The following POLM variants were observed in gnomAD, a reference collection of about 807,000 sequenced individuals.
POLM encodes the protein DNA polymerase mu.
POLM carries 52 observed loss-of-function variants against 56.7 expected under a neutral mutation model. That is an observed-to-expected ratio of 0.92 (90% confidence interval 0.73 to 1.15). The LOEUF is 1.15. POLM is among the 50% of genes most tolerant of loss of function. POLM has a pLI of 0.00. For synonymous variants in POLM, 273 were observed against 274.3 expected, an observed-to-expected ratio of 1.00 and a Z score of 0.05; for missense variants, 660 against 663.6, an observed-to-expected ratio of 0.99 and a Z score of 0.06.
rs773933803 is a variant in POLM, at chr7:44,078,747, G to A, written c.707C>T (p.Thr236Ile). 1.2e-5 allele frequency: 19 copies of A among 1,613,688 alleles called. No individual in the cohort carries two copies. The highest frequency in any genetic ancestry group is 1.7e-5 in the Admixed American group (1 of 59,996). The change falls in exon 5 of 11, where the codon ACC (threonine) becomes ATC (isoleucine). Residue 236 changes from threonine (T) to isoleucine (I), a missense_variant. Thr to Ile is a moderately conservative substitution (Grantham distance 89). Transcript: ENST00000242248. ...ERVRRSERYQ[T>I]MKLFTQIFGV... The stretch of plus-strand genomic sequence containing the variant: ...GAGCCCTGCCCTGCGCACCTTCATG[G>A]TCTGGTACCTCTCTGAGCGCCGAAC...
At chr7:44,074,297 TC>T in intron 7 of POLM, 64 bp from the exon 8 acceptor site, 2 of 1,544,386 alleles carry the variant, frequency 1.3e-6, no homozygotes, top group South Asian at 2.4e-5. Flanking sequence ...CCAGGCCACA[TC>T]CCTTCCAACG....
chr7:44,082,125 C>G, intron 1 of POLM, 126 bp downstream of exon 1: 1 of 789,986 alleles, frequency 1.3e-6, no homozygotes, highest in Non-Finnish European at 1.8e-6. Flanking sequence ...TAATTAATAG[C>G]ACCCTTTACA....
At position 44,072,688 on chromosome 7, in the gene POLM, C is replaced by T. The variant is rs750049020; in HGVS notation, c.*603G>A. 27 of 172,602 alleles carry T rather than the reference C, an allele frequency of 1.6e-4. No individual in the cohort carries two copies. The highest frequency in any genetic ancestry group is 2.4e-4 in the Admixed American group (4 of 16,362). 10.7% of individuals were successfully genotyped at this position (172,602 alleles called of 1,614,324 possible). ...GGCCTTAAAGGCAGAAGCACAGAGC[C>T]TGGCTCGGGGCGCTGCAGTACTGAA... On this transcript the variant is annotated 3_prime_UTR_variant, in exon 11 of 11. Coordinates refer to ENST00000242248, the MANE Select transcript of POLM (RefSeq NM_013284.4).
Position 44,072,835 on chromosome 7 carries a change from G to C in POLM, c.*456C>G, listed in dbSNP as rs886796111. The C allele has an allele frequency of 2.6e-6, 1 of 385,720 alleles. No individual in the cohort carries two copies. Among genetic ancestry groups the C allele is most frequent in the African/African-American group, 2.0e-5 (1 of 48,916 alleles). The allele number at this position is 385,720 out of a possible 1,614,324, so 23.9% of individuals were successfully genotyped here. A position where few individuals can be genotyped will look rare whatever the true frequency, so the allele number is the denominator to read the frequency against. On this transcript the variant is annotated 3_prime_UTR_variant, in exon 11 of 11. Coordinates refer to ENST00000242248, the MANE Select transcript of POLM (RefSeq NM_013284.4). Reference sequence around the variant, plus strand: ...CACGAACCACAGCCTCCAGCTCATGGCTCTCAAATGCAGTGCAGGTATGCA... The same window carrying C: ...CACGAACCACAGCCTCCAGCTCATGCCTCTCAAATGCAGTGCAGGTATGCA...
Position 44,073,153 on chromosome 7 carries a change from T to A in POLM, c.*138A>T. On this transcript the variant is annotated 3_prime_UTR_variant, in exon 11 of 11. Transcript: ENST00000242248. ...GCTCAACTGATCCTGCAGGCACAAT[T>A]GACCTCCGGAAGAGCCAGGCCTTGG... 6.5e-7 allele frequency: 1 copy of A among 1,534,856 alleles called. No homozygotes were observed. Among genetic ancestry groups the A allele is most frequent in the Non-Finnish European group, 8.8e-7 (1 of 1,140,512 alleles).
rs200188633 is a variant in POLM at position 44,073,622 on chromosome 7, T to A, written c.1398+3A>T. ...TTGCTGTCCCCAGTCCCCAACAATG[T>A]ACCTGCTCCGGGTCAAACAGCCCAT... is the stretch of plus-strand genomic sequence containing the variant. On this transcript the variant is annotated splice_donor_region_variant and intron_variant, in intron 10 of 10. Transcript: ENST00000242248. 2.3e-4 allele frequency: 375 copies of A among 1,613,968 alleles called. 1 individual carries two copies. The African/African-American group carries it at 4.6e-3, about 20-fold the overall frequency.
At position 44,072,615 on chromosome 7, in the gene POLM, C is replaced by T. The variant is rs28382664; in HGVS notation, c.*676G>A. The T allele has an allele frequency of 0.04, 6,115 of 153,542 alleles. 379 individuals are homozygous for T. Among genetic ancestry groups the T allele is most frequent in the African/African-American group, 0.14 (5,788 of 41,562 alleles). 9.5% of individuals were successfully genotyped at this position (153,542 alleles called of 1,614,324 possible). A position where few individuals can be genotyped will look rare whatever the true frequency, so the allele number is the denominator to read the frequency against. Reference sequence around the variant, plus strand: ...TTGGAACCATTAAAGGGCTCTGCGACGGGAGTGGCAGGATATGACCTATTT... The same window carrying T: ...TTGGAACCATTAAAGGGCTCTGCGATGGGAGTGGCAGGATATGACCTATTT... On this transcript the variant is annotated 3_prime_UTR_variant, in exon 11 of 11. Transcript: ENST00000242248.
chr7:44,082,002 C>T (rs962915343), intron 1 of POLM, among the ~76,000 whole-genome samples: 3 of 152,190 alleles, frequency 2.0e-5, no homozygotes, highest in African/African-American at 4.8e-5. Flanking sequence ...GCCTCGGCCT[C>T]CCAAAGTGCT....
Position 44,074,032 on chromosome 7 carries a change from GGA to G in POLM, c.1072-9_1072-8del, listed in dbSNP as rs2096176185. The G allele has an allele frequency of 1.2e-6, 2 of 1,612,566 alleles. No homozygotes were observed. Among genetic ancestry groups the G allele is most frequent in the Non-Finnish European group, 1.7e-6 (2 of 1,179,920 alleles). On this transcript the variant is annotated splice_region_variant and splice_polypyrimidine_tract_variant and intron_variant, in intron 8 of 10. Transcript: ENST00000242248. ...GGTGGTACAGGATGAGGCCCTGTGG[GGA>G]GAGGCGGGCGTGGCTGAGACCATCC...
chr7:44,074,746 G>A (rs1250935522), intron 6 of POLM, among the ~76,000 whole-genome samples: 8 of 152,236 alleles, frequency 5.3e-5, no homozygotes, highest in African/African-American at 1.9e-4. Context: ...CTTTTATTTT[G>A]AGACAGTTGT....
At chr7:44,081,611 A>G (rs2096200095) in intron 1 of POLM, among the ~76,000 whole-genome samples, 1 of 151,892 alleles carries the variant, frequency 6.6e-6, no homozygotes, top group Non-Finnish European at 1.5e-5. Flanking sequence ...TTCCCTTCCT[A>G]CAAGAGCTTC....
In POLM at chr7:44,078,791, C is replaced by T. The variant is rs747094200; in HGVS notation, c.663G>A (p.Val221=). ...RVVQELLEHG[V]CEEVERVRRS... is the part of the protein sequence containing the mutation. ...GCCGAACTCTCTCCACCTCCTCACACACTCCATGCTCCAGCAGCTCCTGGG... is the reference window on the plus strand; with the variant it reads ...GCCGAACTCTCTCCACCTCCTCACATACTCCATGCTCCAGCAGCTCCTGGG... The change falls in exon 5 of 11, where the codon GTG becomes GTA. Residue 221 remains valine, a synonymous_variant. Transcript: ENST00000242248. The T allele has an allele frequency of 5.0e-6, 8 of 1,613,916 alleles. No individual in the cohort carries two copies. The highest frequency in any genetic ancestry group is 6.8e-6 in the Non-Finnish European group (8 of 1,179,932).
chr7:44,074,080 A>G, intron 8 of POLM, 51 bp downstream of exon 8: 1 of 1,607,862 alleles, frequency 6.2e-7, no homozygotes, highest in East Asian at 2.2e-5. Context: ...AGAGAGCAGG[A>G]GGCAGTGGCA....
At chr7:44,077,881 C>T (rs1052628715) in intron 5 of POLM, among the ~76,000 whole-genome samples, 2 of 152,234 alleles carry the variant, frequency 1.3e-5, no homozygotes, top group African/African-American at 2.4e-5. Context: ...GCTGTGACAC[C>T]TCCAGCCACA....
chr7:44,082,296 G>C lies in POLM; in HGVS notation c.143C>G (p.Thr48Arg). The stretch of plus-strand genomic sequence containing the variant: ...GAAGCCTTTGGAGCGCGCCAGGCCT[G>C]TGAGGAAGGCCCGGCGGCTGCGACC... Reference protein sequence around the residue: ...RMGRSRRAFLTGLARSKGFRV... With the variant: ...RMGRSRRAFLRGLARSKGFRV... Residue 48 changes from threonine to arginine, a missense_variant, in exon 1 of 11, where the codon ACA becomes AGA. Physicochemically the swap from Thr to Arg is moderately conservative, Grantham distance 71. Coordinates refer to ENST00000242248, the MANE Select transcript of POLM (RefSeq NM_013284.4). 1 of 1,552,794 alleles carries C rather than the reference G, an allele frequency of 6.4e-7. No individual in the cohort carries two copies.
chr7:44,079,456 G>T, intron 4 of POLM, 115 bp downstream of exon 4: 1 of 956,008 alleles, frequency 1.0e-6, no homozygotes, highest in Non-Finnish European at 1.6e-6. Flanking sequence ...TTGGAGCAGT[G>T]TCAGCACCCA....
chr7:44,073,547 G>A, intron 10 of POLM, 78 bp downstream of exon 10: 1 of 1,605,000 alleles, frequency 6.2e-7, no homozygotes, highest in Non-Finnish European at 8.5e-7. Flanking sequence ...GGCTGGAGGG[G>A]TCTGGGGCCA....
chr7:44,072,928 T>C lies in POLM; in HGVS notation c.*363A>G. The C allele has an allele frequency of 1.9e-6, 1 of 537,202 alleles. No individual in the cohort carries two copies. The highest frequency in any genetic ancestry group is 2.9e-5 in the East Asian group (1 of 34,798). The allele number at this position is 537,202 out of a possible 1,614,324, so 33.3% of individuals were successfully genotyped here. A position where few individuals can be genotyped will look rare whatever the true frequency, so the allele number is the denominator to read the frequency against. On this transcript the variant is annotated 3_prime_UTR_variant, in exon 11 of 11. Coordinates refer to ENST00000242248, the MANE Select transcript of POLM (RefSeq NM_013284.4). ...CCACAGTTAACTGCAGTGCAACTAATGAGACACTGCACATCAGGGACCACT... is the reference window on the plus strand; with the variant it reads ...CCACAGTTAACTGCAGTGCAACTAACGAGACACTGCACATCAGGGACCACT...
At position 44,073,916 on chromosome 7, in the gene POLM, A is replaced by C. The variant is rs775437739; in HGVS notation, c.1181T>G (p.Leu394Arg). Reference sequence around the variant, plus strand: ...CACAGCAGCCCCTGGAGGTTGTGGTAGGCGGAAAATGCAGAAACTTCTCTC... The same window carrying C: ...CACAGCAGCCCCTGGAGGTTGTGGTCGGCGGAAAATGCAGAAACTTCTCTC... ...AFERSFCIFR[L>R]PQPPGAAVGG... The change falls in exon 9 of 11, where the codon CTA (leucine) becomes CGA (arginine). Residue 394 changes from leucine (L) to arginine (R), a missense_variant. By Grantham distance (102) the Leu-to-Arg change is moderately radical. Transcript: ENST00000242248. 1.2e-6 allele frequency: 2 copies of C among 1,614,088 alleles called. No individual in the cohort carries two copies. The highest frequency in any genetic ancestry group is 2.2e-5 in the East Asian group (1 of 44,890).
Sources: allele counts gnomAD v4.1 joint callset (sites outside exome capture counted in the v4.1 genomes callset), GRCh38; gene constraint gnomAD v4.1.1; transcripts MANE v1.5; gene names NCBI Gene and HGNC (gene_info 2026-07-23, HGNC 2026-07-21).